The following GOLGA1 variants were observed in gnomAD, a reference collection of about 807,000 sequenced individuals.
GOLGA1 encodes golgin A1.
A neutral mutation model predicts 119.7 loss-of-function variants in GOLGA1; 63 were observed. That is an observed-to-expected ratio of 0.53 (90% CI 0.43 to 0.65). The LOEUF (loss-of-function observed/expected upper bound fraction) is 0.65, where lower values mean the gene tolerates loss of function less well. GOLGA1 is among the 30% of genes least tolerant of loss of function. The probability of loss-of-function intolerance (pLI) is 0.00; values close to 1 mark genes in which losing one functional copy is unlikely to be tolerated. For missense variants in GOLGA1, 798 were observed against 912.8 expected, an observed-to-expected ratio of 0.87 and a Z score of 1.62; for synonymous variants, 318 against 333.4, an observed-to-expected ratio of 0.95 and a Z score of 0.50.
chr9:124,929,364 T>C (rs1346911513), intron 4 of GOLGA1, 74 bp from the exon 5 acceptor site: 2 of 880,256 alleles, frequency 2.3e-6, no homozygotes, highest in African/African-American at 3.3e-5. Context: ...AACAAAAAAA[T>C]GAATGGAAAT....
At chr9:124,891,372 G>C (rs939400989) in intron 15 of GOLGA1, among the ~76,000 whole-genome samples, 8 of 152,206 alleles carry the variant, frequency 5.3e-5, no homozygotes, top group Admixed American at 2.0e-4. Flanking sequence ...CGTGGATGGA[G>C]AAAAACAATT....
At chr9:124,921,967 C>A in intron 8 of GOLGA1, 75 bp from the exon 9 acceptor site, 1 of 1,260,384 alleles carries the variant, frequency 7.9e-7, no homozygotes, top group South Asian at 1.2e-5. Context: ...CTGGCTCACG[C>A]CTGTAATCCC....
At chr9:124,936,354 C>T (rs1022938679) in intron 3 of GOLGA1, among the ~76,000 whole-genome samples, 2 of 152,138 alleles carry the variant, frequency 1.3e-5, no homozygotes, top group African/African-American at 2.4e-5. Flanking sequence ...AGGAGGAAGA[C>T]TCATCTGACA....
intron 5 of GOLGA1, 60 bp from the exon 6 acceptor site, chr9:124,928,345 A>T (rs1038147382): frequency 2.3e-6 from 2 of 853,166 alleles, no homozygotes; most frequent in African/African-American, 3.4e-5. Context: ...CATGACAAAT[A>T]GCCCATGTGA....
At chr9:124,923,345 C>T (rs185583195) in intron 7 of GOLGA1, 122 bp from the exon 8 acceptor site, 1 of 757,674 alleles carries the variant, frequency 1.3e-6, no homozygotes, top group Non-Finnish European at 2.1e-6. Flanking sequence ...ACTAGTTGCC[C>T]AGGCTGGCCT....
In GOLGA1 at chr9:124,899,381, A is replaced by G; in HGVS notation, c.1259T>C (p.Val420Ala). The change falls in exon 14 of 23, where the codon GTG becomes GCG. Residue 420 changes from valine (V) to alanine (A), a missense_variant. Transcript: ENST00000373555. ...AGCTGCCCGCGTTCTCTCCAGGGCC[A>G]CTATCTGGGCTTCTAGCGCCTGGGT... Reference protein sequence around the residue: ...ERTQALEAQIVALERTRAADQ... With the variant: ...ERTQALEAQIAALERTRAADQ... The G allele has an allele frequency of 6.5e-7, 1 of 1,549,548 alleles. No individual in the cohort carries two copies. Among genetic ancestry groups the G allele is most frequent in the South Asian group, 1.2e-5 (1 of 84,070 alleles).
upstream of GOLGA1, chr9:124,944,466 ATTTTTTTTTTTT>A (rs71374207): frequency 3.5e-5 from 3 of 84,724 alleles, no homozygotes; most frequent in East Asian, 7.2e-4. Context: ...TGCCTGGCTA[ATTTTTTTTTTTT>A]TTTTTTTTTT....
At chr9:124,898,710 C>A in intron 14 of GOLGA1, 66 bp from the exon 15 acceptor site, 5 of 939,186 alleles carry the variant, frequency 5.3e-6, no homozygotes, top group Non-Finnish European at 8.6e-6. Context: ...GCACAGGGAG[C>A]ATGGACCAGG....
intron 10 of GOLGA1, among the ~76,000 whole-genome samples, chr9:124,918,132 G>A (rs1241579384): frequency 1.3e-5 from 2 of 152,150 alleles, no homozygotes; most frequent in African/African-American, 2.4e-5. Flanking sequence ...GACTGCAGGC[G>A]TAAGCCACCA....
Position 124,911,907 on chromosome 9 carries a change from C to CAGG in GOLGA1, c.960_962dup (p.Leu321dup). The CAGG allele has an allele frequency of 1.9e-6, 3 of 1,612,590 alleles. No homozygotes were observed. The highest frequency in any genetic ancestry group is 2.5e-6 in the Non-Finnish European group (3 of 1,178,752). ...CAAAGAGAACAGAAGTTACCTCTTT[C>CAGG]AGGAGTTCTTGCAAGTGTTCTTCTC... is the stretch of plus-strand genomic sequence containing the variant. On this transcript the variant is annotated inframe_insertion, in exon 11 of 23. Transcript: ENST00000373555.
intron 19 of GOLGA1, among the ~76,000 whole-genome samples, chr9:124,887,223 G>A (rs1328335774): frequency 6.6e-6 from 1 of 152,312 alleles, no homozygotes; most frequent in African/African-American, 2.4e-5. Flanking sequence ...GGGACAAACG[G>A]GAAATTTGCA....
At chr9:124,939,972 T>G (rs1041917265) in intron 2 of GOLGA1, 134 bp downstream of exon 2, 1 of 152,234 alleles carries the variant, frequency 6.6e-6, no homozygotes, top group Admixed American at 6.5e-5. Flanking sequence ...AACCTTAACT[T>G]TCCATGTTTT....
rs1363179313 is a variant in GOLGA1 at position 124,888,391 on chromosome 9, G to A, written c.1767C>T (p.Thr589=). 3 of 1,613,862 alleles carry A rather than the reference G, an allele frequency of 1.9e-6. No homozygotes were observed. The highest frequency in any genetic ancestry group is 3.3e-5 in the Admixed American group (2 of 59,990). ...EALSVNESHV[T]SRAMQDPVFQ... is the part of the protein sequence containing the mutation. ...ACACAGGGTCCTGCATGGCCCTCGA[G>A]GTCACCTACAAGGTGGCAGCAGCAA... The change falls in exon 19 of 23, where the codon ACC becomes ACT. Residue 589 remains threonine (T), a synonymous_variant. Coordinates refer to ENST00000373555, the MANE Select transcript of GOLGA1 (RefSeq NM_002077.4). The surrounding 1 kb of genome is among the most constrained non-coding windows in gnomAD (Gnocchi z 4.4).
Position 124,916,076 on chromosome 9 carries a change from T to C in GOLGA1, c.844-4050A>G, listed in dbSNP as rs1320567169. Among the ~76,000 whole-genome samples, 4 of 150,934 alleles carry C rather than the reference T, an allele frequency of 2.7e-5. 1 individual carries two copies. The highest frequency in any genetic ancestry group is 5.9e-5 in the Non-Finnish European group (4 of 67,936). ...AAGATCACACCACTGCACTCCAGCC[T>C]GGGCAACAGAGCAAGACTGTATCTC... is the stretch of plus-strand genomic sequence containing the variant. On this transcript the variant is annotated intron_variant, in intron 10 of 22. Coordinates refer to ENST00000373555, the MANE Select transcript of GOLGA1 (RefSeq NM_002077.4).
At chr9:124,893,953 C>T (rs1325378624) in intron 15 of GOLGA1, among the ~76,000 whole-genome samples, 1 of 152,160 alleles carries the variant, frequency 6.6e-6, no homozygotes, top group African/African-American at 2.4e-5. Context: ...TTTGCCTTTA[C>T]TGCAAGTGGA....
chr9:124,894,151 T>C (rs1473636596), intron 15 of GOLGA1, among the ~76,000 whole-genome samples: 1 of 152,180 alleles, frequency 6.6e-6, no homozygotes, highest in African/African-American at 2.4e-5. Context: ...CTTGTAGCGC[T>C]TTCTGCCCTG....
Position 124,890,448 on chromosome 9 carries a change from C to G in GOLGA1, c.1438G>C (p.Val480Leu), listed in dbSNP as rs78804812. ...TCCTCCAGGGCTTGAGCCATGGCCACGCTCACAATTTCTCTTTGGCTCCAT... is the reference window on the plus strand; with the variant it reads ...TCCTCCAGGGCTTGAGCCATGGCCAGGCTCACAATTTCTCTTTGGCTCCAT... ...EEWSQREIVSVAMAQALEEVR... is the reference protein window; with the variant it reads ...EEWSQREIVSLAMAQALEEVR... Residue 480 changes from valine (V) to leucine (L), a missense_variant, in exon 16 of 23, where the codon GTG (valine) becomes CTG (leucine). Coordinates refer to ENST00000373555, the MANE Select transcript of GOLGA1 (RefSeq NM_002077.4). The G allele has an allele frequency of 2.4e-3, 3,837 of 1,613,720 alleles. 9 individuals carry two copies. The highest frequency in any genetic ancestry group is 3.0e-3 in the Non-Finnish European group (3,498 of 1,179,564).
chr9:124,929,597 T>C (rs1181916006), intron 4 of GOLGA1, among the ~76,000 whole-genome samples: 1 of 152,220 alleles, frequency 6.6e-6, no homozygotes, highest in Non-Finnish European at 1.5e-5. Context: ...CACAGATTTA[T>C]CTCATGACTT....
At chr9:124,937,920 T>C (rs562395436) in intron 3 of GOLGA1, among the ~76,000 whole-genome samples, 164 of 150,698 alleles carry the variant, frequency 1.1e-3, no homozygotes, top group African/African-American at 3.8e-3. Context: ...CTGTCTCTAC[T>C]AAAATACAAA....
Sources: allele counts gnomAD v4.1 joint callset (sites outside exome capture counted in the v4.1 genomes callset), GRCh38; gene constraint gnomAD v4.1.1; non-coding constraint Gnocchi (gnomAD v3.1); transcripts MANE v1.5; gene names NCBI Gene and HGNC (gene_info 2026-07-23, HGNC 2026-07-21).